Variants in GRIK3 observed in about 807,000 individuals in gnomAD.
The protein encoded by GRIK3 is glutamate ionotropic receptor kainate type subunit 3, also known as glutamate receptor ionotropic, kainate 3.
GRIK3 carries 29 observed loss-of-function variants against 102.5 expected under a neutral mutation model. The ratio of observed to expected loss-of-function variants is 0.28; its 90% CI spans 0.21 to 0.39. The LOEUF is 0.39. Ranked by LOEUF, GRIK3 falls within the 10% of genes least tolerant of loss-of-function variation. The pLI, the probability that GRIK3 is intolerant of heterozygous loss-of-function variation, is 1.00. For synonymous variants in GRIK3, 511 were observed against 504.9 expected (o/e 1.01, Z -0.16); for missense variants, 908 against 1,252.4 (o/e 0.73, Z 4.15).
chr1:36,866,251 T>C (rs892148314), intron 5 of GRIK3, among the ~76,000 whole-genome samples: 3 of 152,220 alleles, frequency 2.0e-5, no homozygotes, highest in Non-Finnish European at 4.4e-5. Flanking sequence ...CGTTTCCCCA[T>C]TGACCTCAAT....
rs780237890 is a variant in GRIK3 at position 36,859,866 on chromosome 1, C to T, written c.938G>A (p.Gly313Asp). 1 of 1,613,914 alleles carries T rather than the reference C, an allele frequency of 6.2e-7. No individual in the cohort carries two copies. The highest frequency in any genetic ancestry group is 8.5e-7 in the Non-Finnish European group (1 of 1,179,838). ...TACCATCATCACTCCATCCAGCAGG[C>T]CAGACTCGGACCGGGGAGCTGCCTG... Reference protein sequence around the residue: ...RLQAAPRSESGLLDGVMMTDA... With the variant: ...RLQAAPRSESDLLDGVMMTDA... Residue 313 changes from glycine (G) to aspartate (D), a missense_variant, in exon 6 of 16, where the codon GGC becomes GAC. Gly to Asp is a moderately conservative substitution (Grantham distance 94). Coordinates refer to ENST00000373091, the MANE Select transcript of GRIK3 (RefSeq NM_000831.4).
At chr1:36,829,362 A>C (rs562048253) in intron 10 of GRIK3, among the ~76,000 whole-genome samples, 2 of 151,696 alleles carry the variant, frequency 1.3e-5, no homozygotes, top group East Asian at 3.9e-4. Context: ...CTTCAAGTCT[A>C]TTCGAGGAAT....
At chr1:37,014,909 TTC>T (rs1194950180) in intron 1 of GRIK3, among the ~76,000 whole-genome samples, 35 of 143,516 alleles carry the variant, frequency 2.4e-4, no homozygotes, top group South Asian at 1.1e-3. Flanking sequence ...CTATCTCTGT[TTC>T]TCTCTCTCTC....
chr1:36,890,412 A>C (rs912021103), intron 2 of GRIK3, among the ~76,000 whole-genome samples: 31 of 152,006 alleles, frequency 2.0e-4, no homozygotes, highest in South Asian at 2.1e-4. Flanking sequence ...TGCAGTGAGC[A>C]GAGATCGCAC....
At chr1:36,841,473 C>T (rs1013283672) in intron 10 of GRIK3, among the ~76,000 whole-genome samples, 3 of 152,178 alleles carry the variant, frequency 2.0e-5, no homozygotes, top group African/African-American at 7.2e-5. Context: ...CCAGTGGGGC[C>T]GGCTCTGAAT....
intron 1 of GRIK3, among the ~76,000 whole-genome samples, chr1:36,955,653 T>C (rs1641897808): frequency 6.6e-6 from 1 of 152,218 alleles, no homozygotes; most frequent in South Asian, 2.1e-4. Flanking sequence ...CTGAACAGGC[T>C]ACCTCAAGCA....
chr1:36,949,773 G>T (rs1337689545), intron 1 of GRIK3, among the ~76,000 whole-genome samples: 1 of 151,800 alleles, frequency 6.6e-6, no homozygotes, highest in Non-Finnish European at 1.5e-5. Context: ...AGACAGGGGG[G>T]TCACCATGTT....
chr1:36,804,818 G>A, intron 15 of GRIK3, 169 bp downstream of exon 15: 1 of 825,898 alleles, frequency 1.2e-6, no homozygotes, highest in Non-Finnish European at 1.9e-6. Context: ...GGAAAAAAGT[G>A]CCAGGTCAGG....
intron 1 of GRIK3, among the ~76,000 whole-genome samples, chr1:36,980,634 T>C (rs1029211221): frequency 5.3e-5 from 8 of 151,916 alleles, no homozygotes; most frequent in African/African-American, 1.9e-4. Flanking sequence ...GCCTGGGCAG[T>C]CAGCTCTGCC....
chr1:36,842,601 A>G (rs77206211), intron 9 of GRIK3, among the ~76,000 whole-genome samples: 1,780 of 152,252 alleles, frequency 0.012, 109 homozygotes, highest in Admixed American at 0.098. Context: ...GGGAGTGATT[A>G]CTGGTAACAG....
chr1:36,809,046 T>G (rs1347680571), intron 13 of GRIK3, among the ~76,000 whole-genome samples: 1 of 152,180 alleles, frequency 6.6e-6, no homozygotes, highest in Non-Finnish European at 1.5e-5. Context: ...TCTTCTGCTT[T>G]CCCAGTTCTC....
chr1:36,923,550 G>A (rs1219228127), intron 1 of GRIK3, among the ~76,000 whole-genome samples: 5 of 152,320 alleles, frequency 3.3e-5, no homozygotes, highest in Admixed American at 3.3e-4. Context: ...ATGGGAATGA[G>A]GATCATGGAA....
At chr1:36,848,213 A>G (rs1162572102) in intron 9 of GRIK3, among the ~76,000 whole-genome samples, 5 of 152,170 alleles carry the variant, frequency 3.3e-5, no homozygotes, top group Non-Finnish European at 7.3e-5. Flanking sequence ...TAACCCCTTG[A>G]TCTTTCAAGG....
chr1:36,902,630 T>C (rs569189287), intron 1 of GRIK3, among the ~76,000 whole-genome samples: 2 of 152,178 alleles, frequency 1.3e-5, no homozygotes, highest in Non-Finnish European at 2.9e-5. Context: ...ATTGCCAAAC[T>C]TGGGTTTGGC....
chr1:36,843,674 GTCT>G (rs1001846715), intron 9 of GRIK3, among the ~76,000 whole-genome samples: 3 of 152,164 alleles, frequency 2.0e-5, no homozygotes, highest in African/African-American at 4.8e-5. Context: ...GACAACTCTA[GTCT>G]TCTTCTGACT....
intron 1 of GRIK3, among the ~76,000 whole-genome samples, chr1:36,956,271 G>A (rs1259159776): frequency 6.6e-6 from 1 of 152,236 alleles, no homozygotes; most frequent in Non-Finnish European, 1.5e-5. Flanking sequence ...TTGGTAGGAA[G>A]GGGTGGCCAC....
chr1:36,853,233 A>G (rs1011949352), intron 8 of GRIK3, among the ~76,000 whole-genome samples: 3 of 152,172 alleles, frequency 2.0e-5, no homozygotes, highest in African/African-American at 4.8e-5. Flanking sequence ...TGTTTTTTAT[A>G]TTCTTAAATT....
chr1:36,875,875 T>C (rs553915452), intron 3 of GRIK3, among the ~76,000 whole-genome samples: 1 of 152,366 alleles, frequency 6.6e-6, no homozygotes, highest in Admixed American at 6.5e-5. Flanking sequence ...TCCAGCATTC[T>C]AAAAGAACTG....
chr1:36,962,354 T>C (rs990771451), intron 1 of GRIK3, among the ~76,000 whole-genome samples: 1 of 152,100 alleles, frequency 6.6e-6, no homozygotes, highest in Non-Finnish European at 1.5e-5. Context: ...AAGCCACAGA[T>C]GGAAGATCCT....
Sources: gnomAD v4.1 joint callset for allele counts (sites outside exome capture counted in the v4.1 genomes callset) on GRCh38, gnomAD v4.1.1 for gene constraint, MANE v1.5 for transcripts, NCBI Gene and HGNC (gene_info 2026-07-23, HGNC 2026-07-21) for gene names.